The following BSN variants were observed in gnomAD, a reference collection of about 807,000 sequenced individuals.
The protein encoded by BSN is protein bassoon.
In BSN, 57 loss-of-function variants were observed where a neutral mutation model predicts 264.8. The observed-to-expected ratio is 0.22, with a 90% CI of 0.17 to 0.27. BSN has a LOEUF of 0.27. Ranked by LOEUF, BSN falls within the 10% of genes least tolerant of loss-of-function variation. The pLI, the probability that BSN is intolerant of heterozygous loss-of-function variation, is 1.00. For missense variants in BSN, 4,615 were observed against 5,232.5 expected (o/e 0.88, Z 3.64); for synonymous variants, 2,059 against 2,137.3 (o/e 0.96, Z 1.01).
At position 49,667,015 on chromosome 3, in the gene BSN, C is replaced by A. The variant is rs188667883; in HGVS notation, c.*105-575C>A. 3.5e-4 allele frequency among the ~76,000 whole-genome samples: 54 copies of A among 152,266 alleles called. 1 individual carries two copies. The highest frequency in any genetic ancestry group is 3.3e-3 in the Admixed American group (51 of 15,302). Reference sequence around the variant, plus strand: ...GGAGGGACAGCCCATGGCCTGGATTCATGACAGTACCTACCTTGGGTTTGG... The same window carrying A: ...GGAGGGACAGCCCATGGCCTGGATTAATGACAGTACCTACCTTGGGTTTGG... On this transcript the variant is annotated intron_variant, in intron 11 of 11. Coordinates refer to ENST00000296452, the MANE Select transcript of BSN (RefSeq NM_003458.4).
Position 49,653,822 on chromosome 3 carries a change from C to T in BSN, c.4266C>T (p.Ser1422=). ...CCACAGCCCACAGCTATGGACACAG[C>T]CCAACCACTGCAAACTATGGGTCCC... is the stretch of plus-strand genomic sequence containing the variant. ...PSSTAHSYGH[S]PTTANYGSQT... Residue 1422 remains serine (S), a synonymous_variant, in exon 5 of 12, where the codon AGC becomes AGT. Coordinates refer to ENST00000296452, the MANE Select transcript of BSN (RefSeq NM_003458.4). This position sits in a 1 kb window ranked among gnomAD's most constrained non-coding sequence, Gnocchi z 6.3. 1 of 1,614,162 alleles carries T rather than the reference C, an allele frequency of 6.2e-7. No individual in the cohort carries two copies. Among genetic ancestry groups the T allele is most frequent in the Non-Finnish European group, 8.5e-7 (1 of 1,180,014 alleles).
chr3:49,647,879 A>C (rs2052512055), intron 3 of BSN, among the ~76,000 whole-genome samples: 1 of 152,092 alleles, frequency 6.6e-6, no homozygotes, highest in Admixed American at 6.5e-5. Flanking sequence ...CCCCACTCCC[A>C]GAGGGCTTGT....
rs61571864 is a variant in BSN, at chr3:49,606,135, C to CAT, written c.225-18835_225-18834dup. Among the ~76,000 whole-genome samples, 11 of 21,252 alleles carry CAT rather than the reference C, an allele frequency of 5.2e-4. 2 individuals carry two copies. The South Asian group carries it at 5.5e-3, about 11-fold the overall frequency. 13.9% of individuals were successfully genotyped at this position (21,252 alleles called of 152,430 possible). A position where few individuals can be genotyped will look rare whatever the true frequency, so the allele number is the denominator to read the frequency against. On this transcript the variant is annotated intron_variant, in intron 1 of 11. Transcript: ENST00000296452. Reference sequence around the variant, plus strand: ...AATATATACGTATATATTATATATACATATATTATATATGTATATATTATA... The same window carrying CAT: ...AATATATACGTATATATTATATATACATATATATTATATATGTATATATTATA...
intron 1 of BSN, among the ~76,000 whole-genome samples, chr3:49,587,719 T>C (rs1168883397): frequency 1.3e-5 from 2 of 152,000 alleles, no homozygotes; most frequent in African/African-American, 2.4e-5. Context: ...TATGATTGGT[T>C]GTGGAAGGCG....
At chr3:49,621,039 C>G (rs955021842) in intron 1 of BSN, among the ~76,000 whole-genome samples, 1 of 152,124 alleles carries the variant, frequency 6.6e-6, no homozygotes, top group Non-Finnish European at 1.5e-5. Context: ...CAGAAACCAA[C>G]AAGATATACT....
chr3:49,658,325 G>A (rs1458393281), intron 5 of BSN, 129 bp downstream of exon 5: 2 of 1,160,244 alleles, frequency 1.7e-6, no homozygotes, highest in African/African-American at 3.1e-5. Flanking sequence ...AGGGGAAAGA[G>A]TCAATGAGCA....
At chr3:49,563,472 T>G (rs2051730754) in intron 1 of BSN, among the ~76,000 whole-genome samples, 1 of 152,088 alleles carries the variant, frequency 6.6e-6, no homozygotes, top group Non-Finnish European at 1.5e-5. Flanking sequence ...CGCTTTGTGA[T>G]GGGGAAGGGT....
Position 49,669,738 on chromosome 3 carries a change from T to C in BSN, c.*2253T>C, listed in dbSNP as rs1377928631. ...TGGAACTGTTCATATAAACAGTGGC[T>C]TCAAGCTAAGTTTCTTGTGAAGTTT... On this transcript the variant is annotated 3_prime_UTR_variant, in exon 12 of 12. Coordinates refer to ENST00000296452, the MANE Select transcript of BSN (RefSeq NM_003458.4). 2.0e-5 allele frequency: 3 copies of C among 152,288 alleles called. No homozygotes were observed. The East Asian group carries it at 5.8e-4, about 29-fold the overall frequency. 9.4% of individuals were successfully genotyped at this position (152,288 alleles called of 1,614,324 possible).
chr3:49,566,216 T>C (rs1387632931), intron 1 of BSN, among the ~76,000 whole-genome samples: 1 of 152,260 alleles, frequency 6.6e-6, no homozygotes, highest in East Asian at 1.9e-4. Flanking sequence ...TCTAACAGTC[T>C]CCTTGCTCCT....
In BSN at chr3:49,625,860, ACTGCCTTCCAG is replaced by A. The variant is rs1288679765; in HGVS notation, c.633+481_633+491del. Among the ~76,000 whole-genome samples the A allele has an allele frequency of 6.6e-6, 1 of 152,170 alleles. No individual in the cohort carries two copies. Among genetic ancestry groups the A allele is most frequent in the Admixed American group, 6.5e-5 (1 of 15,284 alleles). The stretch of plus-strand genomic sequence containing the variant: ...AGAAAAGTTTCAGGGGAGGCAGGAA[ACTGCCTTCCAG>A]CTGGGCTCTGGGAAGCACCTCTTCT... On this transcript the variant is annotated intron_variant, in intron 2 of 11. Transcript: ENST00000296452. The surrounding 1 kb of genome is among the most constrained non-coding windows in gnomAD (Gnocchi z 4.4).
chr3:49,658,238 T>TGCCTAGCCCGAGGGGCCCCC, intron 5 of BSN, 42 bp downstream of exon 5: 1 of 1,488,410 alleles, frequency 6.7e-7, no homozygotes, highest in Non-Finnish European at 8.9e-7. Flanking sequence ...CAGGGGTCTC[T>TGCCTAGCCCGAGGGGCCCCC]GCCTAGCCCG....
At chr3:49,606,172 T>A (rs868866147) in intron 1 of BSN, among the ~76,000 whole-genome samples, 5 of 13,672 alleles carry the variant, frequency 3.7e-4, no homozygotes, top group East Asian at 0.028. Flanking sequence ...ATACATATAT[T>A]ATATATGTAT....
In BSN at chr3:49,654,641, G is replaced by T. The variant is rs1434235796; in HGVS notation, c.5085G>T (p.Lys1695Asn). The change falls in exon 5 of 12, where the codon AAG (lysine) becomes AAT (asparagine). Residue 1695 changes from lysine (K) to asparagine (N), a missense_variant. By Grantham distance (94) the Lys-to-Asn change is moderately conservative. Transcript: ENST00000296452. This position sits in a 1 kb window ranked among gnomAD's most constrained non-coding sequence, Gnocchi z 4.1. ...DLTSLAVEAR[K>N]YGLALDPIPG... ...CCTCTCTTGCTGTGGAAGCGAGGAA[G>T]TATGGTCTTGCCCTGGATCCAATCC... The T allele has an allele frequency of 7.4e-6, 12 of 1,613,866 alleles. No individual in the cohort carries two copies. Among genetic ancestry groups the T allele is most frequent in the African/African-American group, 2.7e-5 (2 of 74,936 alleles).
chr3:49,597,048 T>C (rs1388586377), intron 1 of BSN, among the ~76,000 whole-genome samples: 1 of 152,218 alleles, frequency 6.6e-6, no homozygotes, highest in Non-Finnish European at 1.5e-5. Flanking sequence ...CTTAAATGTT[T>C]AGATTAATGT....
At position 49,643,134 on chromosome 3, in the gene BSN, A is replaced by G. The variant is rs1473606729; in HGVS notation, c.1500A>G (p.Pro500=). The part of the protein sequence containing the change: ...LQVCNLCGFN[P]TPHLVEKTEW... ...TGTGCAACCTGTGTGGCTTCAACCC[A>G]ACACCCCACCTGGTGGAGGTAAGAG... The change falls in exon 3 of 12, where the codon CCA becomes CCG. Residue 500 remains proline, a synonymous_variant. Coordinates refer to ENST00000296452, the MANE Select transcript of BSN (RefSeq NM_003458.4). The G allele has an allele frequency of 6.2e-7, 1 of 1,609,014 alleles. No individual in the cohort carries two copies. The highest frequency in any genetic ancestry group is 2.2e-5 in the East Asian group (1 of 44,732).
chr3:49,663,605 A>G lies in BSN; in HGVS notation c.11447A>G (p.Gln3816Arg). 1 of 1,608,834 alleles carries G rather than the reference A, an allele frequency of 6.2e-7. No individual in the cohort carries two copies. The highest frequency in any genetic ancestry group is 8.5e-7 in the Non-Finnish European group (1 of 1,178,066). The change falls in exon 7 of 12, where the codon CAG becomes CGG. Residue 3816 changes from glutamine (Q) to arginine (R), a missense_variant. Gln to Arg is a conservative substitution (Grantham distance 43). Around this residue, in one of 3 missense-constraint regions of BSN, gnomAD observed 3,415 missense variants for 3,866.4 expected, o/e 0.88. Transcript: ENST00000296452. ...CGGGGCTCAGCCCCTGCTGCCAGCC[A>G]GCCTGCAGGGAAGCCTCAGCCAGGC... Reference protein sequence around the residue: ...TTRGSAPAASQPAGKPQPGPS... With the variant: ...TTRGSAPAASRPAGKPQPGPS...
rs71631022 is a variant in BSN at position 49,639,199 on chromosome 3, C to CTT, written c.634-3053_634-3052dup. Among the ~76,000 whole-genome samples the CTT allele has an allele frequency of 6.6e-3, 880 of 133,820 alleles. 12 individuals are homozygous for CTT. The highest frequency in any genetic ancestry group is 0.02 in the African/African-American group (713 of 36,136). The allele number at this position is 133,820 out of a possible 152,430, so 87.8% of individuals were successfully genotyped here. On this transcript the variant is annotated intron_variant, in intron 2 of 11. Coordinates refer to ENST00000296452, the MANE Select transcript of BSN (RefSeq NM_003458.4). The stretch of plus-strand genomic sequence containing the variant: ...CTGCCTTGCTTCTTTCTTTCTTTTT[C>CTT]TTTTTTTTTTTTTTTTTGAGACAGA...
chr3:49,578,349 C>T (rs1575427748), intron 1 of BSN, among the ~76,000 whole-genome samples: 1 of 151,752 alleles, frequency 6.6e-6, no homozygotes, highest in East Asian at 1.9e-4. Context: ...AGAATTCACT[C>T]ATTTTAACTG....
In BSN at chr3:49,663,508, G is replaced by C. The variant is rs1164341298; in HGVS notation, c.11350G>C (p.Gly3784Arg). 1.8e-5 allele frequency: 29 copies of C among 1,612,864 alleles called. No individual in the cohort carries two copies. Among genetic ancestry groups the C allele is most frequent in the African/African-American group, 9.3e-5 (7 of 74,952 alleles). ...GCCACAGACACAGCAGCAGCAGCAA[G>C]GTCTTGGGCTGCAGCCCCCACAGCA... is the stretch of plus-strand genomic sequence containing the variant. ...RQPQTQQQQQ[G>R]LGLQPPQQAL... Residue 3784 changes from glycine to arginine, a missense_variant, in exon 7 of 12, where the codon GGT becomes CGT. Transcript: ENST00000296452.
Sources: allele counts gnomAD v4.1 joint callset (sites outside exome capture counted in the v4.1 genomes callset), GRCh38; gene constraint gnomAD v4.1.1; regional missense constraint gnomAD v4.1.1; non-coding constraint Gnocchi (gnomAD v3.1); transcripts MANE v1.5; gene names NCBI Gene and HGNC (gene_info 2026-07-23, HGNC 2026-07-21).